The following ERI1 variants were observed in gnomAD, a reference collection of about 807,000 sequenced individuals.
ERI1 encodes the protein 3'-5' exoribonuclease 1.
ERI1 carries 39 observed loss-of-function variants against 39.7 expected under a neutral mutation model. The observed-to-expected ratio is 0.98, with a 90% CI of 0.76 to 1.28. ERI1 has a LOEUF of 1.28. ERI1 is among the 50% of genes most tolerant of loss of function. The probability of loss-of-function intolerance (pLI) is 0.00; values close to 1 mark genes in which losing one functional copy is unlikely to be tolerated. For missense variants in ERI1, 581 were observed against 416.9 expected (o/e 1.39, Z -3.43); for synonymous variants, 204 against 149.6 (o/e 1.36, Z -2.65).
chr8:9,003,647 T>C (rs1367107938), intron 1 of ERI1, among the ~76,000 whole-genome samples: 1 of 152,228 alleles, frequency 6.6e-6, no homozygotes, highest in Non-Finnish European at 1.5e-5. Context: ...TTAGCTGCTT[T>C]TGCTCATTAA....
intron 3 of ERI1, among the ~76,000 whole-genome samples, chr8:9,099,151 T>G (rs1056013363): frequency 2.3e-4 from 35 of 152,244 alleles, no homozygotes; most frequent in African/African-American, 8.2e-4. Context: ...TGGTAAGTTT[T>G]AACATCTGTA....
chr8:9,093,559 A>G (rs933473595), intron 3 of ERI1, among the ~76,000 whole-genome samples: 4 of 151,962 alleles, frequency 2.6e-5, no homozygotes, highest in African/African-American at 9.7e-5. Context: ...AGTTTGTAAA[A>G]CAGCTTAAGA....
rs1459769979 is a variant in ERI1, at chr8:9,020,673, A to G, written c.807+209A>G. ...TTAACTTTATTTAAGTAGGTTAACT[A>G]TATATACCTGACAAGTTTGAAACTG... On this transcript the variant is annotated intron_variant, in intron 6 of 6. Transcript: ENST00000250263. Among the ~76,000 whole-genome samples, 5 of 152,306 alleles carry G rather than the reference A, an allele frequency of 3.3e-5. No individual in the cohort carries two copies. The East Asian group carries it at 5.8e-4, about 18-fold the overall frequency.
downstream of ERI1, among the ~76,000 whole-genome samples, chr8:9,035,979 A>T (rs1282407344): frequency 6.6e-6 from 1 of 152,202 alleles, no homozygotes; most frequent in Non-Finnish European, 1.5e-5. Context: ...GTCACTGCTG[A>T]TGTGGTGGAA....
chr8:9,048,395 A>G (rs1798245972), intron 3 of ERI1: 1 of 154,344 alleles, frequency 6.5e-6, no homozygotes, highest in Non-Finnish European at 1.5e-5. Flanking sequence ...CTGGCACATT[A>G]CTCAATTGAT....
Position 9,055,525 on chromosome 8 carries a change from C to T in ERI1, n.299+35061C>T, listed in dbSNP as rs554871904. Among the ~76,000 whole-genome samples the T allele has an allele frequency of 8.8e-4, 134 of 152,192 alleles. 1 individual carries two copies. The South Asian group carries it at 0.027, about 30-fold the overall frequency. On this transcript the variant is annotated intron_variant and non_coding_transcript_variant, in intron 3 of 3. Transcript: ENST00000518663. Reference sequence around the variant, plus strand: ...CTGGAATGAGGGTCTTTATTTATGGCCGGCTGATACATTGACAGGTGGGGG... The same window carrying T: ...CTGGAATGAGGGTCTTTATTTATGGTCGGCTGATACATTGACAGGTGGGGG...
intron 3 of ERI1, among the ~76,000 whole-genome samples, chr8:9,043,371 T>C (rs555985395): frequency 6.6e-6 from 1 of 152,338 alleles, no homozygotes; most frequent in African/African-American, 2.4e-5. Flanking sequence ...TAATCAGAGC[T>C]GTGCCTGGAC....
intron 1 of ERI1, chr8:9,004,116 C>A: frequency 7.8e-7 from 1 of 1,289,320 alleles, no homozygotes; most frequent in Non-Finnish European, 1.0e-6. Context: ...GAAAGAAGGT[C>A]TCGTTAAGGA....
intron 1 of ERI1, among the ~76,000 whole-genome samples, chr8:9,007,589 A>G (rs1816156294): frequency 1.3e-5 from 2 of 152,322 alleles, no homozygotes; most frequent in Non-Finnish European, 2.9e-5. Context: ...CCATTACCAA[A>G]TTACCATTTT....
chr8:9,077,949 T>C (rs757564807), intron 3 of ERI1, among the ~76,000 whole-genome samples: 2 of 152,212 alleles, frequency 1.3e-5, no homozygotes, highest in African/African-American at 2.4e-5. Context: ...CCCAGAATAC[T>C]CTCATGGTCT....
Position 9,020,401 on chromosome 8 carries a change from C to G in ERI1, c.744C>G (p.Leu248=), listed in dbSNP as rs758215294. 10 of 1,608,282 alleles carry G rather than the reference C, an allele frequency of 6.2e-6. No homozygotes were observed. Among genetic ancestry groups the G allele is most frequent in the East Asian group, 2.2e-5 (1 of 44,588 alleles). The change falls in exon 6 of 7, where the codon CTC becomes CTG. Residue 248 remains leucine (L), a synonymous_variant. Transcript: ENST00000250263. ...FLNIQCQLSR[L]KYPPFAKKWI... ...ACATTCAGTGTCAACTCAGCAGGCTCAAATACCCTCCTTTTGCGAAAAAGT... is the reference window on the plus strand; with the variant it reads ...ACATTCAGTGTCAACTCAGCAGGCTGAAATACCCTCCTTTTGCGAAAAAGT...
At chr8:9,066,950 A>T (rs1024076822) in intron 3 of ERI1, among the ~76,000 whole-genome samples, 18 of 152,178 alleles carry the variant, frequency 1.2e-4, no homozygotes, top group African/African-American at 4.3e-4. Flanking sequence ...CTACCTTGCA[A>T]TGTGGCAGAT....
chr8:9,053,970 A>C (rs775715046), intron 3 of ERI1, among the ~76,000 whole-genome samples: 1 of 152,192 alleles, frequency 6.6e-6, no homozygotes, highest in Non-Finnish European at 1.5e-5. Flanking sequence ...AGTGAAAGGA[A>C]ATATGTCTGT....
intron 3 of ERI1, among the ~76,000 whole-genome samples, chr8:9,045,566 G>A (rs1798148323): frequency 6.6e-6 from 1 of 152,046 alleles, no homozygotes; most frequent in South Asian, 2.1e-4. Context: ...GGAGGCCAAG[G>A]CAGGAGGATC....
At chr8:9,066,930 G>T (rs1192961068) in intron 3 of ERI1, among the ~76,000 whole-genome samples, 1 of 152,154 alleles carries the variant, frequency 6.6e-6, no homozygotes, top group Non-Finnish European at 1.5e-5. Flanking sequence ...AACGGTGACA[G>T]TCGTTCCAGC....
At chr8:9,005,238 G>T (rs1268850770) in intron 1 of ERI1, among the ~76,000 whole-genome samples, 1 of 152,052 alleles carries the variant, frequency 6.6e-6, no homozygotes, top group East Asian at 1.9e-4. Flanking sequence ...GTAGTACCTA[G>T]ATTTTTGGCA....
At chr8:9,035,244 C>T (rs1176247086), downstream of ERI1, among the ~76,000 whole-genome samples, 2 of 152,144 alleles carry the variant, frequency 1.3e-5, no homozygotes, top group Non-Finnish European at 1.5e-5. Flanking sequence ...AAGGTGGCCA[C>T]ACCATACAAC....
At chr8:9,037,996 A>G (rs1797906001), downstream of ERI1, among the ~76,000 whole-genome samples, 1 of 152,140 alleles carries the variant, frequency 6.6e-6, no homozygotes, top group Admixed American at 6.5e-5. Context: ...TTTTTTGCAC[A>G]AGTACTCCCT....
chr8:9,034,111 G>GCTT (rs1468091908), downstream of ERI1, among the ~76,000 whole-genome samples: 1 of 152,238 alleles, frequency 6.6e-6, no homozygotes, highest in Non-Finnish European at 1.5e-5. Context: ...AGGCTAAAGG[G>GCTT]CTTAAGTTTG....
Sources: allele counts gnomAD v4.1 joint callset (sites outside exome capture counted in the v4.1 genomes callset), GRCh38; gene constraint gnomAD v4.1.1; transcripts MANE v1.5; gene names NCBI Gene and HGNC (gene_info 2026-07-23, HGNC 2026-07-21).